PDE1C: variants seen among roughly 807,000 people sequenced by gnomAD.
PDE1C encodes the protein phosphodiesterase 1C.
In PDE1C, 62 loss-of-function variants were observed where a neutral mutation model predicts 93.1. The ratio of observed to expected loss-of-function variants is 0.67; its 90% CI spans 0.54 to 0.82. The LOEUF is 0.82. Ranked by LOEUF, PDE1C falls within the 40% of genes least tolerant of loss-of-function variation. The pLI, the probability that PDE1C is intolerant of heterozygous loss-of-function variation, is 0.00. For missense variants in PDE1C, 742 were observed against 884.6 expected (o/e 0.84, Z 2.04); for synonymous variants, 325 against 310.1 (o/e 1.05, Z -0.50).
At chr7:32,031,890 G>A (rs113444214) in intron 2 of PDE1C, among the ~76,000 whole-genome samples, 2 of 152,270 alleles carry the variant, frequency 1.3e-5, no homozygotes, top group African/African-American at 4.8e-5. Flanking sequence ...GGGGGCCACA[G>A]GTTTGTACCG....
chr7:32,256,970 G>C (rs1809842694), intron 1 of PDE1C, among the ~76,000 whole-genome samples: 1 of 152,162 alleles, frequency 6.6e-6, no homozygotes, highest in Non-Finnish European at 1.5e-5. Flanking sequence ...CGGGGAAGCA[G>C]GGATGAAATT....
intron 15 of PDE1C, among the ~76,000 whole-genome samples, chr7:31,812,869 A>G (rs929284439): frequency 1.3e-5 from 2 of 152,104 alleles, no homozygotes; most frequent in African/African-American, 4.8e-5. Context: ...CTGTTTACCT[A>G]ACAGAGCATT....
chr7:31,981,302 G>A (rs576471035), intron 2 of PDE1C, among the ~76,000 whole-genome samples: 1 of 152,114 alleles, frequency 6.6e-6, no homozygotes, highest in Non-Finnish European at 1.5e-5. Context: ...TTGCATTTGT[G>A]TACTTATATA....
chr7:32,192,181 C>T (rs914861644), intron 2 of PDE1C, among the ~76,000 whole-genome samples: 6 of 152,094 alleles, frequency 3.9e-5, no homozygotes, highest in Non-Finnish European at 7.4e-5. Flanking sequence ...TTTATCCTAA[C>T]AAAATCTTTC....
the PDE1C span, among the ~76,000 whole-genome samples, chr7:31,693,571 C>T: frequency 1.3e-5 from 2 of 152,168 alleles, no homozygotes; most frequent in Admixed American, 6.5e-5. Flanking sequence ...AAGAGTATAA[C>T]ACCGTTGTAG....
chr7:31,811,922 G>A (rs924448865), intron 15 of PDE1C, among the ~76,000 whole-genome samples: 1 of 152,066 alleles, frequency 6.6e-6, no homozygotes, highest in African/African-American at 2.4e-5. Flanking sequence ...AGATATCCTG[G>A]GCACTCCACA....
chr7:32,310,826 C>T (rs1351634430), intron 1 of PDE1C, among the ~76,000 whole-genome samples: 4 of 151,684 alleles, frequency 2.6e-5, no homozygotes, highest in Non-Finnish European at 5.9e-5. Context: ...GACACCCTAA[C>T]ATCACAATTA....
At chr7:32,423,410 C>T (rs1307813302) in intron 1 of PDE1C, among the ~76,000 whole-genome samples, 2 of 152,130 alleles carry the variant, frequency 1.3e-5, no homozygotes, top group Non-Finnish European at 2.9e-5. Flanking sequence ...AGAAGAAATG[C>T]AACTCTCAGG....
intron 1 of PDE1C, among the ~76,000 whole-genome samples, chr7:32,269,262 G>A (rs1398887235): frequency 6.6e-6 from 1 of 151,906 alleles, no homozygotes; most frequent in Non-Finnish European, 1.5e-5. Flanking sequence ...CAGGGGGGGT[G>A]AGATGCTGCA....
intron 2 of PDE1C, among the ~76,000 whole-genome samples, chr7:32,029,498 T>C (rs920976677): frequency 6.6e-6 from 1 of 151,530 alleles, no homozygotes; most frequent in Non-Finnish European, 1.5e-5. Flanking sequence ...ATCTTTGTGA[T>C]AGAATAAATC....
chr7:31,839,133 A>G (rs1791496180), intron 9 of PDE1C, among the ~76,000 whole-genome samples: 1 of 148,790 alleles, frequency 6.7e-6, no homozygotes, highest in Admixed American at 6.8e-5. Context: ...ATGTGTGTAT[A>G]TATGTATATA....
At chr7:32,303,723 A>G (rs6952609), upstream of PDE1C, among the ~76,000 whole-genome samples, 35,119 of 152,058 alleles carry the variant, frequency 0.23, 4,271 homozygotes, top group African/African-American at 0.29. Context: ...GGAGGTTACC[A>G]AATTCTATTT....
chr7:31,753,631 T>C, intron 17 of PDE1C, 78 bp from the exon 18 acceptor site: 2 of 1,510,724 alleles, frequency 1.3e-6, no homozygotes, highest in South Asian at 2.7e-5. Context: ...TGTGAGCAAC[T>C]TCCTCTAGAC....
At chr7:31,808,183 A>T (rs1300632939) in intron 16 of PDE1C, 2 of 489,576 alleles carry the variant, frequency 4.1e-6, no homozygotes, top group African/African-American at 4.1e-5. Flanking sequence ...CTTCAAAGGT[A>T]TTCTAACCAA....
At chr7:32,246,888 A>T (rs190583709) in intron 1 of PDE1C, among the ~76,000 whole-genome samples, 1 of 152,278 alleles carries the variant, frequency 6.6e-6, no homozygotes, top group Non-Finnish European at 1.5e-5. Context: ...TTTTGAATTA[A>T]ATGTATTGAG....
At chr7:32,206,671 A>C (rs1456699736) in intron 2 of PDE1C, among the ~76,000 whole-genome samples, 1 of 152,130 alleles carries the variant, frequency 6.6e-6, no homozygotes, top group East Asian at 1.9e-4. Flanking sequence ...TCCATGCGGC[A>C]CCCATGTGAG....
intron 1 of PDE1C, among the ~76,000 whole-genome samples, chr7:32,350,572 ATATATATATATATATATATTT>A (rs1316932905): frequency 0.36 from 1,155 of 3,242 alleles, 317 homozygotes; most frequent in African/African-American, 0.39. Flanking sequence ...ATATATATAT[ATATATATATATATATATATTT>A]TTTTTTTTTT....
At chr7:32,128,881 G>A (rs954555324) in intron 3 of PDE1C, among the ~76,000 whole-genome samples, 2 of 114,600 alleles carry the variant, frequency 1.7e-5, no homozygotes, top group African/African-American at 6.5e-5. Context: ...TGGTGCACAT[G>A]TACCCTAGAA....
At chr7:32,076,064 A>T (rs1235282936), upstream of PDE1C, among the ~76,000 whole-genome samples, 1 of 152,072 alleles carries the variant, frequency 6.6e-6, no homozygotes, top group African/African-American at 2.4e-5. Context: ...GGACCCAAAA[A>T]AGCTGCAGGA....
Sources: gnomAD v4.1 joint callset for allele counts (sites outside exome capture counted in the v4.1 genomes callset) on GRCh38, gnomAD v4.1.1 for gene constraint, MANE v1.5 for transcripts, NCBI Gene and HGNC (gene_info 2026-07-23, HGNC 2026-07-21) for gene names.